The following DAB1 variants were observed in gnomAD, a reference collection of about 807,000 sequenced individuals.
The protein encoded by DAB1 is DAB adaptor protein 1.
DAB1 carries 15 observed loss-of-function variants against 64.6 expected under a neutral mutation model. The observed-to-expected ratio is 0.23, with a 90% CI of 0.16 to 0.36. The LOEUF is 0.36. Among genes scored for constraint, DAB1 ranks in the 10% least tolerant of loss-of-function variants. The pLI is 1.00. For missense variants in DAB1, 596 were observed against 706.7 expected, an observed-to-expected ratio of 0.84 and a Z score of 1.78; for synonymous variants, 235 against 251.9, an observed-to-expected ratio of 0.93 and a Z score of 0.64.
chr1:57,448,300 C>T (rs1008446658), intron 7 of DAB1, among the ~76,000 whole-genome samples: 1 of 152,102 alleles, frequency 6.6e-6, no homozygotes, highest in African/African-American at 2.4e-5. Flanking sequence ...TTTTCCACAC[C>T]CATTTATGAA....
At chr1:58,081,835 C>A (rs999527041) in intron 5 of DAB1, among the ~76,000 whole-genome samples, 8 of 152,074 alleles carry the variant, frequency 5.3e-5, no homozygotes, top group Admixed American at 5.2e-4. Flanking sequence ...CTTGAATGTA[C>A]TTTCTTCTGA....
Position 58,470,495 on chromosome 1 carries a change from G to T in DAB1, n.257+35565C>A, listed in dbSNP as rs138923606. On this transcript the variant is annotated intron_variant and non_coding_transcript_variant, in intron 3 of 20. Coordinates refer to the DAB1 transcript ENST00000485760. ...AGCCAGAGCTGGGACTTTTCATGCA[G>T]ATCCAGGCCTGATCCTTATCCTTCA... 2.0e-5 allele frequency among the ~76,000 whole-genome samples: 3 copies of T among 152,166 alleles called. No individual in the cohort carries two copies. In the East Asian group the frequency reaches 5.8e-4, roughly 29 times the overall value.
chr1:58,480,877 T>C (rs976206593), intron 3 of DAB1: 5 of 703,128 alleles, frequency 7.1e-6, no homozygotes, highest in African/African-American at 3.5e-5. Flanking sequence ...CTTTTTTTTT[T>C]CACTTCAAAC....
intron 8 of DAB1, among the ~76,000 whole-genome samples, chr1:57,064,153 G>C (rs1305656424): frequency 6.6e-6 from 1 of 152,238 alleles, no homozygotes; most frequent in Non-Finnish European, 1.5e-5. Context: ...TGTTCTATAA[G>C]AAGTAAGAAT....
chr1:58,140,238 C>T (rs1394018764), intron 5 of DAB1, among the ~76,000 whole-genome samples: 1 of 152,174 alleles, frequency 6.6e-6, no homozygotes, highest in Non-Finnish European at 1.5e-5. Context: ...TACTTTCTAG[C>T]TTCACCATGT....
At chr1:57,893,741 A>G (rs1458357617) in intron 5 of DAB1, among the ~76,000 whole-genome samples, 1 of 152,182 alleles carries the variant, frequency 6.6e-6, no homozygotes, top group Non-Finnish European at 1.5e-5. Flanking sequence ...GGCAACCATC[A>G]GGTGATGGTC....
chr1:57,605,908 T>C (rs1645630235), intron 7 of DAB1: 1 of 680,206 alleles, frequency 1.5e-6, no homozygotes, highest in South Asian at 1.4e-5. Flanking sequence ...GGAAGTAATC[T>C]GCTTAACAAT....
intron 2 of DAB1, among the ~76,000 whole-genome samples, chr1:57,227,610 G>A (rs1388656204): frequency 6.6e-6 from 1 of 151,680 alleles, no homozygotes; most frequent in African/African-American, 2.4e-5. Context: ...AGGCTGGAGG[G>A]CAGTGGCATG....
At chr1:58,050,202 G>A (rs1292887170) in intron 5 of DAB1, among the ~76,000 whole-genome samples, 1 of 152,210 alleles carries the variant, frequency 6.6e-6, no homozygotes, top group African/African-American at 2.4e-5. Flanking sequence ...AAAAAGCAAT[G>A]AGTCTGAAAT....
At chr1:57,583,290 CTT>C (rs34464140) in intron 7 of DAB1, among the ~76,000 whole-genome samples, 92 of 136,272 alleles carry the variant, frequency 6.8e-4, no homozygotes, top group Middle Eastern at 3.7e-3. Context: ...TTTTTCTTTT[CTT>C]TTTTTTTTTT....
chr1:57,140,768 G>A (rs1417378371), intron 3 of DAB1, among the ~76,000 whole-genome samples: 1 of 152,108 alleles, frequency 6.6e-6, no homozygotes, highest in Non-Finnish European at 1.5e-5. Context: ...GCAATACCAC[G>A]TGCTAGGCAC....
chr1:57,493,174 T>G (rs1644186151), intron 7 of DAB1, among the ~76,000 whole-genome samples: 1 of 151,922 alleles, frequency 6.6e-6, no homozygotes, highest in Admixed American at 6.6e-5. Context: ...TATAAATTTA[T>G]CATTTTAACC....
chr1:57,881,803 C>T (rs1644148348), intron 1 of DAB1, among the ~76,000 whole-genome samples: 2 of 152,142 alleles, frequency 1.3e-5, no homozygotes, highest in African/African-American at 4.8e-5. Flanking sequence ...CATTGGGCCC[C>T]TGCATGTGTC....
intron 5 of DAB1, chr1:58,056,024 C>T: frequency 1.3e-6 from 1 of 771,958 alleles, no homozygotes; most frequent in Non-Finnish European, 2.2e-6. Flanking sequence ...AGGTGTGAGC[C>T]ACCGTGCCTG....
intron 1 of DAB1, among the ~76,000 whole-genome samples, chr1:57,369,678 C>G (rs1680339074): frequency 6.6e-6 from 1 of 152,158 alleles, no homozygotes; most frequent in African/African-American, 2.4e-5. Context: ...AGCTTGGACT[C>G]TGGATTCAGG....
intron 3 of DAB1, among the ~76,000 whole-genome samples, chr1:58,435,330 T>C (rs1270615148): frequency 6.6e-6 from 1 of 152,202 alleles, no homozygotes; most frequent in Admixed American, 6.5e-5. Context: ...ATTGCTGATG[T>C]TCCATTCTCA....
At chr1:57,226,239 C>T (rs1667249741) in intron 2 of DAB1, among the ~76,000 whole-genome samples, 1 of 152,196 alleles carries the variant, frequency 6.6e-6, no homozygotes, top group African/African-American at 2.4e-5. Flanking sequence ...AGACCTCTCC[C>T]CTGAATTCTA....
intron 3 of DAB1, among the ~76,000 whole-genome samples, chr1:58,451,027 T>C (rs1645130264): frequency 6.6e-6 from 1 of 152,156 alleles, no homozygotes; most frequent in Admixed American, 6.5e-5. Context: ...CCTGAGAAAG[T>C]GTTACAAATC....
intron 6 of DAB1, among the ~76,000 whole-genome samples, chr1:57,781,739 G>T (rs1650112843): frequency 6.7e-6 from 1 of 149,466 alleles, no homozygotes; most frequent in Non-Finnish European, 1.5e-5. Flanking sequence ...AAGCAAAACT[G>T]TTGTGGGTAA....
Sources: allele counts gnomAD v4.1 joint callset (sites outside exome capture counted in the v4.1 genomes callset), GRCh38; gene constraint gnomAD v4.1.1; transcripts MANE v1.5; gene names NCBI Gene and HGNC (gene_info 2026-07-23, HGNC 2026-07-21).